The following AGO1 variants were observed in gnomAD, a reference collection of about 807,000 sequenced individuals.
AGO1 encodes the protein argonaute RISC component 1.
A neutral mutation model predicts 109.2 loss-of-function variants in AGO1; 11 were observed. The ratio of observed to expected loss-of-function variants is 0.10; its 90% confidence interval spans 0.06 to 0.17. AGO1 has a LOEUF of 0.17. Ranked by LOEUF, AGO1 falls within the 10% of genes least tolerant of loss-of-function variation. The pLI is 1.00. For synonymous variants in AGO1, 422 were observed against 418.6 expected (o/e 1.01, Z -0.10); for missense variants, 574 against 1,140.3 (o/e 0.50, Z 7.15).
upstream of AGO1, among the ~76,000 whole-genome samples, chr1:35,883,026 C>T (rs1255315944): frequency 1.3e-5 from 2 of 152,196 alleles, no homozygotes; most frequent in African/African-American, 2.4e-5. This position sits in a 1 kb window ranked among gnomAD's most constrained non-coding sequence, Gnocchi z 5.4. Flanking sequence ...TATACCACTG[C>T]GCGGTTCCAA....
At position 35,901,106 on chromosome 1, in the gene AGO1, G is replaced by A. The variant is rs779015079; in HGVS notation, c.1021-368G>A. Among the ~76,000 whole-genome samples the A allele has an allele frequency of 4.0e-5, 6 of 151,226 alleles. No individual in the cohort carries two copies. Among genetic ancestry groups the A allele is most frequent in the Admixed American group, 6.6e-5 (1 of 15,188 alleles). Reference sequence around the variant, plus strand: ...AGCGATTCTTGTTCCTCAGCCTCCTGAGTAGCTGGGATTACAGGCGCACGC... The same window carrying A: ...AGCGATTCTTGTTCCTCAGCCTCCTAAGTAGCTGGGATTACAGGCGCACGC... On this transcript the variant is annotated intron_variant, in intron 8 of 18. Coordinates refer to ENST00000373204, the MANE Select transcript of AGO1 (RefSeq NM_012199.5). This position sits in a 1 kb window ranked among gnomAD's most constrained non-coding sequence, Gnocchi z 4.8.
In AGO1 at chr1:35,923,020, T is replaced by A. The variant is rs1231826043; in HGVS notation, c.*3413T>A. 6.6e-6 allele frequency: 1 copy of A among 152,278 alleles called. No homozygotes were observed. Among genetic ancestry groups the A allele is most frequent in the Non-Finnish European group, 1.5e-5 (1 of 68,144 alleles). 9.4% of individuals were successfully genotyped at this position (152,278 alleles called of 1,614,324 possible). On this transcript the variant is annotated 3_prime_UTR_variant, in exon 19 of 19. Transcript: ENST00000373204. The stretch of plus-strand genomic sequence containing the variant: ...AGGAAAAAGAGTGATGAGAAGAGAA[T>A]GGAGAGAATTTGAATAAAAGGTGGG...
At chr1:35,885,353 C>CT (rs1645103550) in intron 1 of AGO1, among the ~76,000 whole-genome samples, 1 of 152,144 alleles carries the variant, frequency 6.6e-6, no homozygotes. Context: ...GAAAAATTGA[C>CT]TTTTTAAAAA....
At chr1:35,907,304 C>G (rs1320027169) in intron 12 of AGO1, among the ~76,000 whole-genome samples, 185 bp downstream of exon 12, 1 of 152,052 alleles carries the variant, frequency 6.6e-6, no homozygotes, top group Non-Finnish European at 1.5e-5. Context: ...TCCTAATTAC[C>G]TGCACACACT....
intron 16 of AGO1, 113 bp downstream of exon 16, chr1:35,917,840 C>T: frequency 1.4e-6 from 2 of 1,435,230 alleles, no homozygotes; most frequent in Non-Finnish European, 1.9e-6. Context: ...TCTATCCTCC[C>T]TGGCCCCTTC....
rs552574513 is a variant in AGO1 at position 35,894,572 on chromosome 1, GA to G, written c.872+171del. 1.6e-3 allele frequency among the ~76,000 whole-genome samples: 247 copies of G among 152,002 alleles called. 3 individuals carry two copies. The highest frequency in any genetic ancestry group is 5.4e-3 in the African/African-American group (224 of 41,484). On this transcript the variant is annotated intron_variant, in intron 7 of 18. Coordinates refer to ENST00000373204, the MANE Select transcript of AGO1 (RefSeq NM_012199.5). Reference sequence around the variant, plus strand: ...TTGGCATCCTTTCTCAACCTTCTCTGATCTGTTGATACTCTCCCTACCATTT... The same window carrying G: ...TTGGCATCCTTTCTCAACCTTCTCTGTCTGTTGATACTCTCCCTACCATTT...
rs1244614312 is a variant in AGO1, at chr1:35,906,924, C to T, written c.1398-11C>T. 4 of 1,603,392 alleles carry T rather than the reference C, an allele frequency of 2.5e-6. No homozygotes were observed. The highest frequency in any genetic ancestry group is 2.2e-5 in the East Asian group (1 of 44,794). On this transcript the variant is annotated splice_polypyrimidine_tract_variant and intron_variant, in intron 11 of 18. Transcript: ENST00000373204. ...ACTCACTGCCTCCTTTGTGACCATG[C>T]GTGTGTACAGGAACTTCACAGACCA...
chr1:35,895,284 T>A lies in AGO1; in HGVS notation c.1020+15T>A, dbSNP rs1203624607. 2 of 1,609,878 alleles carry A rather than the reference T, an allele frequency of 1.2e-6. No individual in the cohort carries two copies. Among genetic ancestry groups the A allele is most frequent in the Non-Finnish European group, 1.7e-6 (2 of 1,177,614 alleles). On this transcript the variant is annotated intron_variant, in intron 8 of 18. Coordinates refer to ENST00000373204, the MANE Select transcript of AGO1 (RefSeq NM_012199.5). ...TTCCCCTAGAGGTGAGATTGCCAAG[T>A]AATGGCTGGGGAATAGGCATTGTAT...
intron 8 of AGO1, among the ~76,000 whole-genome samples, chr1:35,895,476 C>G (rs1357206733): frequency 3.3e-5 from 5 of 152,128 alleles, no homozygotes; most frequent in Admixed American, 6.5e-5. Flanking sequence ...TCAGGGCTGC[C>G]AGGCAGAGAC....
At position 35,922,266 on chromosome 1, in the gene AGO1, A is replaced by G. The variant is rs1405911669; in HGVS notation, c.*2659A>G. The G allele has an allele frequency of 6.5e-6, 1 of 152,696 alleles. No individual in the cohort carries two copies. 9.5% of individuals were successfully genotyped at this position (152,696 alleles called of 1,614,324 possible). A position where few individuals can be genotyped will look rare whatever the true frequency, so the allele number is the denominator to read the frequency against. ...AAAGCAAGAGAATCAGCTTTGGGCA[A>G]TGACAAGAAATGAGTTCTTACTCTG... On this transcript the variant is annotated 3_prime_UTR_variant, in exon 19 of 19. Transcript: ENST00000373204.
At chr1:35,894,217 C>T in intron 6 of AGO1, 46 bp downstream of exon 6, 1 of 1,577,458 alleles carries the variant, frequency 6.3e-7, no homozygotes, top group South Asian at 1.2e-5. Flanking sequence ...CACTTTAGCC[C>T]TAAGAGGAAA....
At chr1:35,914,710 C>A (rs1164479010) in intron 14 of AGO1, among the ~76,000 whole-genome samples, 3 of 152,184 alleles carry the variant, frequency 2.0e-5, no homozygotes, top group African/African-American at 7.2e-5. Context: ...CTCTTTGTCT[C>A]TTAGGGGCTT....
At position 35,893,023 on chromosome 1, in the gene AGO1, C is replaced by A; in HGVS notation, c.331-74C>A. 7.1e-7 allele frequency: 1 copy of A among 1,410,414 alleles called. No individual in the cohort carries two copies. The highest frequency in any genetic ancestry group is 9.7e-7 in the Non-Finnish European group (1 of 1,029,592). The allele number at this position is 1,410,414 out of a possible 1,614,324, so 87.4% of individuals were successfully genotyped here. On this transcript the variant is annotated intron_variant, in intron 3 of 18. Transcript: ENST00000373204. This position sits in a 1 kb window ranked among gnomAD's most constrained non-coding sequence, Gnocchi z 5.6. ...ATCAACTTGAAAAACATGTTCTCAGCAAATCCATGGAGTTGGGGGTCATTC... is the reference window on the plus strand; with the variant it reads ...ATCAACTTGAAAAACATGTTCTCAGAAAATCCATGGAGTTGGGGGTCATTC...
intron 1 of AGO1, among the ~76,000 whole-genome samples, chr1:35,872,160 G>A (rs965341183): frequency 2.0e-5 from 3 of 150,592 alleles, no homozygotes; most frequent in African/African-American, 7.3e-5. Context: ...TTTTTTGTGG[G>A]AAGATTTTAA....
chr1:35,899,486 G>A (rs559792019), intron 8 of AGO1, among the ~76,000 whole-genome samples: 1 of 152,208 alleles, frequency 6.6e-6, no homozygotes, highest in African/African-American at 2.4e-5. Flanking sequence ...ATTCCCACTG[G>A]CGTTGTACAA....
chr1:35,894,232 C>CT, intron 6 of AGO1, 61 bp downstream of exon 6: 1 of 1,587,506 alleles, frequency 6.3e-7, no homozygotes, highest in Non-Finnish European at 8.6e-7. Flanking sequence ...AGGAAATCCC[C>CT]TTGGGGTATG....
At chr1:35,878,153 G>A (rs865839360) in intron 1 of AGO1, among the ~76,000 whole-genome samples, 2 of 151,552 alleles carry the variant, frequency 1.3e-5, no homozygotes, top group African/African-American at 2.4e-5. Context: ...GTGCAGTCTC[G>A]GCTTATTGCA....
At chr1:35,905,446 C>G (rs1015786964) in intron 11 of AGO1, among the ~76,000 whole-genome samples, 3 of 151,964 alleles carry the variant, frequency 2.0e-5, no homozygotes, top group South Asian at 2.1e-4. Flanking sequence ...AAATTTGATG[C>G]TCCTTCATGT....
upstream of AGO1, among the ~76,000 whole-genome samples, chr1:35,878,481 TTTC>T: frequency 6.6e-6 from 1 of 152,336 alleles, no homozygotes; most frequent in Middle Eastern, 3.4e-3. Flanking sequence ...TATGTATTTG[TTTC>T]TTCTTAGCGG....
Sources: allele counts gnomAD v4.1 joint callset (sites outside exome capture counted in the v4.1 genomes callset), GRCh38; gene constraint gnomAD v4.1.1; non-coding constraint Gnocchi (gnomAD v3.1); transcripts MANE v1.5; gene names NCBI Gene and HGNC (gene_info 2026-07-23, HGNC 2026-07-21).